Variants in TAFA5 observed in about 807,000 individuals in gnomAD.
TAFA5 encodes the protein TAFA chemokine like family member 5, also known as chemokine-like protein TAFA-5.
A neutral mutation model predicts 15.3 loss-of-function variants in TAFA5; 6 were observed. The observed-to-expected ratio is 0.39, with a 90% CI of 0.21 to 0.77. The LOEUF is 0.77. TAFA5 is among the 30% of genes least tolerant of loss of function. The pLI, the probability that TAFA5 is intolerant of heterozygous loss-of-function variation, is 0.41. For missense variants in TAFA5, 161 were observed against 193.1 expected (o/e 0.83, Z 0.98); for synonymous variants, 103 against 80.7 (o/e 1.28, Z -1.48).
chr22:48,702,472 C>T (rs1928940051), intron 2 of TAFA5, among the ~76,000 whole-genome samples: 1 of 152,158 alleles, frequency 6.6e-6, no homozygotes, highest in African/African-American at 2.4e-5. Context: ...CCTTCTCCAG[C>T]CACGTCCTAA....
At position 48,648,107 on chromosome 22, in the gene TAFA5, G is replaced by C. The variant is rs79139603; in HGVS notation, c.262+1361G>C. On this transcript the variant is annotated intron_variant, in intron 2 of 3. Coordinates refer to ENST00000402357, the MANE Select transcript of TAFA5 (RefSeq NM_001082967.3). ...GGTGGACTTCAGGGCAGCTATATCC[G>C]TGGCATCCTGCACTGAAACATGGTT... Among the ~76,000 whole-genome samples the C allele has an allele frequency of 8.3e-3, 1,265 of 152,302 alleles. 14 individuals are homozygous for C. Among genetic ancestry groups the C allele is most frequent in the African/African-American group, 0.029 (1,193 of 41,556 alleles).
chr22:48,627,823 C>T (rs1926078099), intron 1 of TAFA5, among the ~76,000 whole-genome samples: 1 of 152,244 alleles, frequency 6.6e-6, no homozygotes, highest in Non-Finnish European at 1.5e-5. Flanking sequence ...AGGCACAGGC[C>T]TGGCCTGGGC....
At chr22:48,499,111 GTC>G (rs1300651956) in intron 1 of TAFA5, among the ~76,000 whole-genome samples, 3 of 152,164 alleles carry the variant, frequency 2.0e-5, no homozygotes. Context: ...GGAGGGAGGT[GTC>G]TCTGCACGTT....
chr22:48,636,522 A>T (rs1425264899), intron 1 of TAFA5, among the ~76,000 whole-genome samples: 3 of 24,474 alleles, frequency 1.2e-4, no homozygotes, highest in African/African-American at 2.5e-4. Context: ...TTAACTTATG[A>T]GTCAGAGCAG....
intron 2 of TAFA5, among the ~76,000 whole-genome samples, chr22:48,663,414 C>T (rs17823579): frequency 0.1 from 15,660 of 152,048 alleles, 951 homozygotes; most frequent in East Asian, 0.23. Context: ...CGAGGGGAGA[C>T]GCAACTGTAG....
intron 1 of TAFA5, among the ~76,000 whole-genome samples, chr22:48,562,374 G>T (rs1050717470): frequency 1.3e-5 from 2 of 152,128 alleles, no homozygotes; most frequent in African/African-American, 2.4e-5. Context: ...TCCTGACCTC[G>T]CGATCTGCCT....
At chr22:48,512,639 G>A (rs1241149848) in intron 1 of TAFA5, among the ~76,000 whole-genome samples, 1 of 150,130 alleles carries the variant, frequency 6.7e-6, no homozygotes, top group Non-Finnish European at 1.5e-5. Context: ...AGAGAGAGAC[G>A]GCCGGGCGCG....
chr22:48,680,471 C>G (rs112194442), intron 2 of TAFA5, among the ~76,000 whole-genome samples: 14 of 116,712 alleles, frequency 1.2e-4, no homozygotes, highest in Admixed American at 1.6e-4. Context: ...GAGAGAAGGG[C>G]GAGGGGGCTA....
chr22:48,661,319 G>C (rs1169161331), intron 2 of TAFA5, among the ~76,000 whole-genome samples: 2 of 152,252 alleles, frequency 1.3e-5, no homozygotes, highest in South Asian at 4.2e-4. Context: ...CCTTGCCCCA[G>C]CCCTCTCTCC....
chr22:48,579,042 C>A (rs1401302814), intron 1 of TAFA5, among the ~76,000 whole-genome samples: 2 of 152,210 alleles, frequency 1.3e-5, no homozygotes, highest in African/African-American at 4.8e-5. Context: ...CTGTTTTCTT[C>A]AGGGGTGAAG....
At chr22:48,600,097 A>G (rs746275599) in intron 1 of TAFA5, among the ~76,000 whole-genome samples, 1 of 152,146 alleles carries the variant, frequency 6.6e-6, no homozygotes, top group African/African-American at 2.4e-5. Context: ...ACAGCGGTGG[A>G]TAGAGGGGCT....
At chr22:48,740,807 C>T (rs1349850174) in intron 3 of TAFA5, among the ~76,000 whole-genome samples, 1 of 152,164 alleles carries the variant, frequency 6.6e-6, no homozygotes, top group African/African-American at 2.4e-5. Flanking sequence ...GGACATGCCC[C>T]CGGCAGGCCT....
chr22:48,679,751 A>AGCTCCCCGTCCATCCCTCTCCCG (rs1928117620), intron 2 of TAFA5, among the ~76,000 whole-genome samples: 2 of 41,584 alleles, frequency 4.8e-5, no homozygotes, highest in African/African-American at 1.2e-4. Context: ...CTGGCTCCCC[A>AGCTCCCCGTCCATCCCTCTCCCG]GCTCCCCGTC....
chr22:48,740,096 A>C (rs895684753), intron 3 of TAFA5, among the ~76,000 whole-genome samples: 2 of 152,156 alleles, frequency 1.3e-5, no homozygotes, highest in African/African-American at 4.8e-5. Context: ...GTCCTTAATT[A>C]GCACAGGGAG....
At chr22:48,697,340 G>GTGATGA (rs886418731) in intron 2 of TAFA5, among the ~76,000 whole-genome samples, 3 of 147,854 alleles carry the variant, frequency 2.0e-5, no homozygotes, top group Non-Finnish European at 4.5e-5. Flanking sequence ...GGTGACAGTG[G>GTGATGA]TGATGATGAT....
chr22:48,616,412 A>G (rs1358312425), intron 1 of TAFA5, among the ~76,000 whole-genome samples: 1 of 152,184 alleles, frequency 6.6e-6, no homozygotes, highest in Non-Finnish European at 1.5e-5. Context: ...GCACATCGTG[A>G]GGCCTGGGAG....
At chr22:48,668,660 G>A (rs943529884) in intron 2 of TAFA5, among the ~76,000 whole-genome samples, 3 of 106,970 alleles carry the variant, frequency 2.8e-5, no homozygotes, top group Admixed American at 9.2e-5. Flanking sequence ...ACTCAGGGCC[G>A]CGTCTTCACC....
intron 2 of TAFA5, among the ~76,000 whole-genome samples, chr22:48,657,903 C>T (rs1316977622): frequency 6.6e-6 from 1 of 152,194 alleles, no homozygotes; most frequent in Non-Finnish European, 1.5e-5. Context: ...TGAGTGATGC[C>T]TTCCAGGTTC....
intron 1 of TAFA5, among the ~76,000 whole-genome samples, chr22:48,574,229 G>A (rs994442442): frequency 1.3e-5 from 2 of 152,212 alleles, no homozygotes; most frequent in Non-Finnish European, 2.9e-5. Flanking sequence ...TGAGGCTGGG[G>A]CCACTCCTTT....
Sources: allele counts gnomAD v4.1 joint callset (sites outside exome capture counted in the v4.1 genomes callset), GRCh38; gene constraint gnomAD v4.1.1; transcripts MANE v1.5; gene names NCBI Gene and HGNC (gene_info 2026-07-23, HGNC 2026-07-21).